The following XRCC2 variants were observed in gnomAD, a reference collection of about 807,000 sequenced individuals.
XRCC2 encodes the protein DNA repair protein XRCC2.
XRCC2 carries 24 observed loss-of-function variants against 27.3 expected under a neutral mutation model. The ratio of observed to expected loss-of-function variants is 0.88; its 90% CI spans 0.64 to 1.24. The LOEUF (loss-of-function observed/expected upper bound fraction) is 1.24. Among genes scored for constraint, XRCC2 ranks in the 50% most tolerant of loss-of-function variants. The pLI, the probability that XRCC2 is intolerant of heterozygous loss-of-function variation, is 0.00. For synonymous variants in XRCC2, 106 were observed against 115.4 expected, an observed-to-expected ratio of 0.92 and a Z score of 0.52; for missense variants, 321 against 325.8, an observed-to-expected ratio of 0.99 and a Z score of 0.11.
intron 1 of XRCC2, among the ~76,000 whole-genome samples, chr7:152,671,975 A>C (rs1477031897): frequency 1.3e-5 from 2 of 152,204 alleles, no homozygotes; most frequent in Non-Finnish European, 1.5e-5. Flanking sequence ...CAGGAGGTCA[A>C]GGCTGCAGGG....
intron 2 of XRCC2, among the ~76,000 whole-genome samples, chr7:152,656,075 G>A (rs2098030596): frequency 6.6e-6 from 1 of 152,204 alleles, no homozygotes; most frequent in African/African-American, 2.4e-5. Context: ...AAGGCATGAG[G>A]GGAGGGAGCG....
chr7:152,652,110 C>A (rs1465195874), intron 2 of XRCC2, among the ~76,000 whole-genome samples: 1 of 151,558 alleles, frequency 6.6e-6, no homozygotes, highest in African/African-American at 2.4e-5. Context: ...CTACGGTGAG[C>A]CATGATCATG....
intron 1 of XRCC2, among the ~76,000 whole-genome samples, chr7:152,666,640 CAG>C (rs1463325360): frequency 2.8e-5 from 4 of 144,596 alleles, no homozygotes; most frequent in South Asian, 2.2e-4. Flanking sequence ...TTTTTTGAGA[CAG>C]AGTCTCGCTT....
At chr7:152,662,318 G>T (rs946851470) in intron 1 of XRCC2, among the ~76,000 whole-genome samples, 2 of 151,944 alleles carry the variant, frequency 1.3e-5, no homozygotes, top group Non-Finnish European at 2.9e-5. Flanking sequence ...CAGATGTGAG[G>T]AGAGTTAAAA....
chr7:152,651,293 A>G (rs1321263195), intron 2 of XRCC2, among the ~76,000 whole-genome samples: 5 of 152,078 alleles, frequency 3.3e-5, no homozygotes, highest in Admixed American at 6.6e-5. Context: ...CAAATAATGT[A>G]TAAGAAATCT....
chr7:152,675,923 C>T, intron 1 of XRCC2, 118 bp downstream of exon 1: 1 of 1,399,398 alleles, frequency 7.1e-7, no homozygotes, highest in Non-Finnish European at 9.9e-7. Flanking sequence ...AGAGGCCGGT[C>T]CCAGCCCGGC....
chr7:152,663,705 G>A (rs2098034325), intron 1 of XRCC2, among the ~76,000 whole-genome samples: 1 of 152,128 alleles, frequency 6.6e-6, no homozygotes, highest in Non-Finnish European at 1.5e-5. Context: ...TGGGCATGGT[G>A]GCATACACCT....
At chr7:152,664,883 C>T (rs2098034899) in intron 1 of XRCC2, among the ~76,000 whole-genome samples, 1 of 152,036 alleles carries the variant, frequency 6.6e-6, no homozygotes, top group African/African-American at 2.4e-5. Flanking sequence ...CTGATAAGAT[C>T]CTAGGAATTG....
chr7:152,648,774 G>A lies in XRCC2; in HGVS notation c.711C>T (p.His237=), dbSNP rs753368267. 6.2e-6 allele frequency: 10 copies of A among 1,614,170 alleles called. No individual in the cohort carries two copies. The highest frequency in any genetic ancestry group is 8.5e-6 in the Non-Finnish European group (10 of 1,180,022). Residue 237 remains histidine (H), a synonymous_variant, in exon 3 of 3, where the codon CAC becomes CAT. Coordinates refer to ENST00000359321, the MANE Select transcript of XRCC2 (RefSeq NM_005431.2). ...LCKAWQQLVK[H]RMFFSKQDDS... ...CATCTTGTTTGGAGAAAAACATCCTGTGCTTCACCAGTTGCTGCCATGCCT... is the reference window on the plus strand; with the variant it reads ...CATCTTGTTTGGAGAAAAACATCCTATGCTTCACCAGTTGCTGCCATGCCT...
intron 2 of XRCC2, 90 bp from the exon 3 acceptor site, chr7:152,649,453 C>T (rs1203631293): frequency 2.1e-6 from 3 of 1,430,412 alleles, no homozygotes; most frequent in African/African-American, 1.4e-5. Flanking sequence ...TAAAAAGACA[C>T]TTACTGGAAT....
intron 2 of XRCC2, among the ~76,000 whole-genome samples, chr7:152,651,534 G>A (rs1482665980): frequency 6.6e-6 from 1 of 152,024 alleles, no homozygotes; most frequent in Non-Finnish European, 1.5e-5. Flanking sequence ...AGAGGCTGCA[G>A]TGAGCCAAGA....
chr7:152,667,789 T>C (rs1457752527), intron 1 of XRCC2, among the ~76,000 whole-genome samples: 2 of 151,798 alleles, frequency 1.3e-5, no homozygotes, highest in Non-Finnish European at 2.9e-5. Context: ...ACTTTGGGAG[T>C]CTGAGGCAGG....
chr7:152,658,140 T>G (rs1020549348), intron 2 of XRCC2, among the ~76,000 whole-genome samples: 3 of 151,372 alleles, frequency 2.0e-5, no homozygotes, highest in African/African-American at 7.3e-5. Flanking sequence ...TAATTTTTCT[T>G]TTTCTTTTTC....
intron 1 of XRCC2, among the ~76,000 whole-genome samples, chr7:152,674,908 A>C (rs1253392424): frequency 1.3e-5 from 2 of 151,614 alleles, no homozygotes; most frequent in African/African-American, 4.8e-5. Context: ...CTTTATTGGA[A>C]CGCTGCCATG....
chr7:152,663,346 T>TTAA (rs1563031328), intron 1 of XRCC2, among the ~76,000 whole-genome samples: 1 of 80,898 alleles, frequency 1.2e-5, no homozygotes, highest in Non-Finnish European at 2.5e-5. Context: ...GTCTTTGAAG[T>TTAA]AAAAAAAAAA....
At chr7:152,671,912 G>A (rs1310610168) in intron 1 of XRCC2, among the ~76,000 whole-genome samples, 1 of 151,968 alleles carries the variant, frequency 6.6e-6, no homozygotes, top group Non-Finnish European at 1.5e-5. Flanking sequence ...GTAGTGGTGT[G>A]TCCCTTTAGT....
chr7:152,661,971 T>C (rs1460955030), intron 1 of XRCC2, among the ~76,000 whole-genome samples: 2 of 152,132 alleles, frequency 1.3e-5, no homozygotes, highest in Non-Finnish European at 2.9e-5. Flanking sequence ...TATCCACTTC[T>C]TTTTCTTTTT....
At chr7:152,651,362 A>T (rs1044079848) in intron 2 of XRCC2, among the ~76,000 whole-genome samples, 4 of 150,832 alleles carry the variant, frequency 2.7e-5, no homozygotes, top group Non-Finnish European at 4.4e-5. Context: ...TCAAGGCAGG[A>T]GGATCACTTG....
rs557492603 is a variant in XRCC2, at chr7:152,644,833, G to A, written c.*3809C>T. ...CCATTTACAAAACATAGTAATTCTTGATCGCTGAAAATGTCAAATCCTGGA... is the reference window on the plus strand; with the variant it reads ...CCATTTACAAAACATAGTAATTCTTAATCGCTGAAAATGTCAAATCCTGGA... On this transcript the variant is annotated 3_prime_UTR_variant, in exon 3 of 3. Coordinates refer to ENST00000359321, the MANE Select transcript of XRCC2 (RefSeq NM_005431.2). The A allele has an allele frequency of 6.6e-6, 1 of 152,192 alleles. No individual in the cohort carries two copies. Among genetic ancestry groups the A allele is most frequent in the East Asian group, 1.9e-4 (1 of 5,180 alleles). The allele number at this position is 152,192 out of a possible 1,614,324, so 9.4% of individuals were successfully genotyped here.
Sources: gnomAD v4.1 joint callset for allele counts (sites outside exome capture counted in the v4.1 genomes callset) on GRCh38, gnomAD v4.1.1 for gene constraint, MANE v1.5 for transcripts, NCBI Gene and HGNC (gene_info 2026-07-23, HGNC 2026-07-21) for gene names.